The following AFF3 variants were observed in gnomAD, a reference collection of about 807,000 sequenced individuals.
The protein encoded by AFF3 is AF4/FMR2 family member 3.
In AFF3, 32 loss-of-function variants were observed where a neutral mutation model predicts 129.7. The ratio of observed to expected loss-of-function variants is 0.25; its 90% confidence interval spans 0.19 to 0.33. AFF3 has a LOEUF of 0.33. Among genes scored for constraint, AFF3 ranks in the 10% least tolerant of loss-of-function variants. The probability of loss-of-function intolerance (pLI) is 1.00; values close to 1 mark genes in which losing one functional copy is unlikely to be tolerated. For missense variants in AFF3, 1,373 were observed against 1,592.0 expected, an observed-to-expected ratio of 0.86 and a Z score of 2.34; for synonymous variants, 644 against 635.4, an observed-to-expected ratio of 1.01 and a Z score of -0.20.
chr2:100,113,692 G>A (rs577802517), intron 2 of AFF3, among the ~76,000 whole-genome samples: 1 of 152,270 alleles, frequency 6.6e-6, no homozygotes, highest in South Asian at 2.1e-4. Context: ...ACTCCTAAAG[G>A]GCTTAATACA....
intron 13 of AFF3, among the ~76,000 whole-genome samples, chr2:99,626,206 A>G (rs1475442109): frequency 6.6e-6 from 1 of 152,188 alleles, no homozygotes; most frequent in East Asian, 1.9e-4. Flanking sequence ...CTGAAAGAAC[A>G]CAGTATCTGC....
chr2:99,711,823 G>A (rs1397024871), intron 11 of AFF3, among the ~76,000 whole-genome samples: 1 of 152,154 alleles, frequency 6.6e-6, no homozygotes, highest in Non-Finnish European at 1.5e-5. Context: ...GGAAGCACAG[G>A]CAGTCTGTTA....
intron 7 of AFF3, among the ~76,000 whole-genome samples, chr2:99,884,255 A>C (rs932639076): frequency 6.6e-6 from 1 of 152,244 alleles, no homozygotes; most frequent in Non-Finnish European, 1.5e-5. Context: ...AGATTTATAC[A>C]TTATGGAATG....
At chr2:99,552,863 C>T (rs1391659712) in intron 24 of AFF3, among the ~76,000 whole-genome samples, 2 of 152,186 alleles carry the variant, frequency 1.3e-5, no homozygotes, top group Non-Finnish European at 1.5e-5. Flanking sequence ...ATACATTTGT[C>T]CTTTCTGTTT....
In AFF3 at chr2:99,774,399, G is replaced by A. The variant is rs916059363; in HGVS notation, c.922-22098C>T. ...GTACTGGTACAAGAACAGACATACA[G>A]ACCAATGGAACAGAATAGAGAACCC... On this transcript the variant is annotated intron_variant, in intron 8 of 24. Coordinates refer to ENST00000672756, the MANE Select transcript of AFF3 (RefSeq NM_001386135.1). 1.6e-4 allele frequency among the ~76,000 whole-genome samples: 24 copies of A among 152,198 alleles called. No homozygotes were observed. The East Asian group carries it at 2.7e-3, about 17-fold the overall frequency.
intron 8 of AFF3, among the ~76,000 whole-genome samples, chr2:99,784,933 T>C (rs1042602797): frequency 2.0e-5 from 3 of 152,188 alleles, no homozygotes; most frequent in African/African-American, 7.2e-5. Context: ...AAATATGTCT[T>C]TGCTACCGTG....
chr2:100,112,132 T>C (rs750239829), intron 2 of AFF3, among the ~76,000 whole-genome samples: 1 of 152,220 alleles, frequency 6.6e-6, no homozygotes, highest in Non-Finnish European at 1.5e-5. Flanking sequence ...GCTCAAGTAT[T>C]TCCTCAGCAC....
At chr2:99,809,995 G>C (rs1237017415) in intron 8 of AFF3, among the ~76,000 whole-genome samples, 2 of 152,186 alleles carry the variant, frequency 1.3e-5, no homozygotes, top group Non-Finnish European at 2.9e-5. Context: ...TTGGGAAAAG[G>C]AATCTGTCTT....
At chr2:99,740,698 T>A (rs1680650029) in intron 10 of AFF3, among the ~76,000 whole-genome samples, 2 of 152,060 alleles carry the variant, frequency 1.3e-5, no homozygotes, top group South Asian at 4.2e-4. Context: ...GAGTTCATTG[T>A]AGGTTCTGGA....
At chr2:99,763,382 A>G (rs1039592133) in intron 8 of AFF3, among the ~76,000 whole-genome samples, 1 of 152,200 alleles carries the variant, frequency 6.6e-6, no homozygotes, top group Admixed American at 6.5e-5. Flanking sequence ...TAATGCATTC[A>G]TATCGATTAA....
intron 11 of AFF3, among the ~76,000 whole-genome samples, chr2:99,714,129 C>T (rs1349008605): frequency 2.6e-5 from 4 of 152,170 alleles, no homozygotes; most frequent in African/African-American, 9.7e-5. Context: ...ACAGACATTC[C>T]TGTGTTTTAG....
chr2:99,660,503 ATTG>A (rs1351878883), intron 12 of AFF3, among the ~76,000 whole-genome samples: 1 of 152,228 alleles, frequency 6.6e-6, no homozygotes, highest in Non-Finnish European at 1.5e-5. Flanking sequence ...ATGTGTTATT[ATTG>A]TTATCAGGAT....
At chr2:99,912,104 G>A (rs1695145496) in intron 7 of AFF3, among the ~76,000 whole-genome samples, 1 of 152,152 alleles carries the variant, frequency 6.6e-6, no homozygotes, top group Non-Finnish European at 1.5e-5. Context: ...TTAGCCCAAA[G>A]GAGAATAAGG....
intron 20 of AFF3, among the ~76,000 whole-genome samples, chr2:99,561,632 C>T (rs572586010): frequency 6.6e-5 from 10 of 152,248 alleles, no homozygotes; most frequent in African/African-American, 2.4e-4. Context: ...CCCAGCTTGG[C>T]CTCCTAAAGT....
chr2:100,074,275 C>G (rs1469911531), intron 4 of AFF3, among the ~76,000 whole-genome samples: 1 of 152,202 alleles, frequency 6.6e-6, no homozygotes, highest in African/African-American at 2.4e-5. Context: ...CCTGGCCCTC[C>G]TCCTGCTCTG....
In AFF3 at chr2:99,741,158, C is replaced by G. The variant is rs142176203; in HGVS notation, c.1039+2946G>C. ...GAAGCATTCCCTTTGAAAACTGGCA[C>G]AAGACAGGGATGCCCTCTCTCATCA... On this transcript the variant is annotated intron_variant, in intron 10 of 24. Transcript: ENST00000672756. Among the ~76,000 whole-genome samples, 440 of 152,240 alleles carry G rather than the reference C, an allele frequency of 2.9e-3. 15 individuals carry two copies. The East Asian group carries it at 0.063, about 22-fold the overall frequency.
chr2:99,931,209 G>C (rs763175185), intron 7 of AFF3, among the ~76,000 whole-genome samples: 4 of 152,176 alleles, frequency 2.6e-5, no homozygotes, highest in Non-Finnish European at 5.9e-5. Flanking sequence ...CCCCAGGTGG[G>C]ATGGGTCAGG....
At chr2:99,743,467 G>A (rs1310883854) in intron 10 of AFF3, among the ~76,000 whole-genome samples, 3 of 152,194 alleles carry the variant, frequency 2.0e-5, no homozygotes, top group Non-Finnish European at 2.9e-5. Context: ...TTTAGGACAC[G>A]AGCAGGGTAG....
At chr2:99,970,533 A>G (rs1341065485) in intron 7 of AFF3, among the ~76,000 whole-genome samples, 1 of 152,108 alleles carries the variant, frequency 6.6e-6, no homozygotes, top group Non-Finnish European at 1.5e-5. Context: ...AACTATTTTT[A>G]TTGCTTGCAT....
Sources: allele counts gnomAD v4.1 joint callset (sites outside exome capture counted in the v4.1 genomes callset), GRCh38; gene constraint gnomAD v4.1.1; transcripts MANE v1.5; gene names NCBI Gene and HGNC (gene_info 2026-07-23, HGNC 2026-07-21).